The following ST3GAL6 variants were observed in gnomAD, a reference collection of about 807,000 sequenced individuals.
The protein encoded by ST3GAL6 is type 2 lactosamine alpha-2,3-sialyltransferase.
In ST3GAL6, 31 loss-of-function variants were observed where a neutral mutation model predicts 40.5. That is an observed-to-expected ratio of 0.77 (90% CI 0.58 to 1.03). The LOEUF (loss-of-function observed/expected upper bound fraction) is 1.03. Ranked by LOEUF, ST3GAL6 falls within the 50% of genes least tolerant of loss-of-function variation. The pLI, the probability that ST3GAL6 is intolerant of heterozygous loss-of-function variation, is 0.00. For missense variants in ST3GAL6, 357 were observed against 393.2 expected (o/e 0.91, Z 0.78); for synonymous variants, 129 against 136.9 (o/e 0.94, Z 0.40).
chr3:98,737,347 G>A (rs1424952499), intron 1 of ST3GAL6, among the ~76,000 whole-genome samples: 4 of 152,032 alleles, frequency 2.6e-5, no homozygotes, highest in African/African-American at 7.2e-5. Flanking sequence ...CACCACACGC[G>A]GCCCCTTCCT....
intron 2 of ST3GAL6, among the ~76,000 whole-genome samples, chr3:98,770,199 T>C (rs952384086): frequency 6.6e-6 from 1 of 152,246 alleles, no homozygotes; most frequent in Non-Finnish European, 1.5e-5. Context: ...TGTATTAAGC[T>C]GTTTTCCTCT....
In ST3GAL6 at chr3:98,768,518, G is replaced by A. The variant is rs148994000; in HGVS notation, c.78G>A (p.Thr26=). 46 of 1,608,830 alleles carry A rather than the reference G, an allele frequency of 2.9e-5. No homozygotes were observed. Among genetic ancestry groups the A allele is most frequent in the Admixed American group, 5.0e-5 (3 of 59,848 alleles). The change falls in exon 2 of 10, where the codon ACG becomes ACA. Residue 26 remains threonine (T), a synonymous_variant. Coordinates refer to ENST00000483910, the MANE Select transcript of ST3GAL6 (RefSeq NM_001323368.2). ...TACTGCATTGCATATTATGGGGAAC[G>A]AATGTCTATTGGTAAGTTTCATTTT... ...YYVLHCILWG[T]NVYWVAPVEM...
At chr3:98,790,819 A>G (rs1356974919) in intron 8 of ST3GAL6, among the ~76,000 whole-genome samples, 2 of 152,124 alleles carry the variant, frequency 1.3e-5, no homozygotes, top group African/African-American at 4.8e-5. Context: ...GAAGAAAGGA[A>G]GTAGAAGACA....
intron 1 of ST3GAL6, among the ~76,000 whole-genome samples, chr3:98,735,025 A>G (rs948930787): frequency 1.3e-5 from 2 of 152,156 alleles, no homozygotes; most frequent in Admixed American, 6.5e-5. Context: ...TCTGTTTAGT[A>G]TGCATTTTAG....
At chr3:98,774,646 G>A (rs1248576921) in intron 5 of ST3GAL6, among the ~76,000 whole-genome samples, 1 of 152,194 alleles carries the variant, frequency 6.6e-6, no homozygotes, top group Non-Finnish European at 1.5e-5. Flanking sequence ...GTGATAATAT[G>A]GGTAGTCTAC....
upstream of ST3GAL6, among the ~76,000 whole-genome samples, chr3:98,758,562 A>G (rs1176596488): frequency 6.6e-6 from 1 of 152,252 alleles, no homozygotes; most frequent in African/African-American, 2.4e-5. Flanking sequence ...CAGTGAATTA[A>G]TACTATTTTG....
intron 1 of ST3GAL6, among the ~76,000 whole-genome samples, chr3:98,764,469 C>T (rs1384949352): frequency 6.6e-6 from 1 of 152,140 alleles, no homozygotes; most frequent in Admixed American, 6.5e-5. Flanking sequence ...ATAAGCTTTA[C>T]CTCCATTTCA....
At position 98,795,571 on chromosome 3, in the gene ST3GAL6, T is replaced by C. The variant is rs1941539155; in HGVS notation, c.*1810T>C. On this transcript the variant is annotated 3_prime_UTR_variant, in exon 10 of 10. Transcript: ENST00000483910. Reference sequence around the variant, plus strand: ...TGCAGTGTGGCTGCTGAAGTTCAATTGATATAAAGTAAATCAGGCTTCAAA... The same window carrying C: ...TGCAGTGTGGCTGCTGAAGTTCAATCGATATAAAGTAAATCAGGCTTCAAA... 6.6e-6 allele frequency: 1 copy of C among 152,148 alleles called. No homozygotes were observed. The highest frequency in any genetic ancestry group is 1.5e-5 in the Non-Finnish European group (1 of 68,040). The allele number at this position is 152,148 out of a possible 1,614,324, so 9.4% of individuals were successfully genotyped here. A position where few individuals can be genotyped will look rare whatever the true frequency, so the allele number is the denominator to read the frequency against.
Position 98,770,954 on chromosome 3 carries a change from G to T in ST3GAL6, c.165G>T (p.Leu55=). Residue 55 remains leucine (L), a splice_region_variant and synonymous_variant, in exon 3 of 10, where the codon CTG becomes CTT. Coordinates refer to ENST00000483910, the MANE Select transcript of ST3GAL6 (RefSeq NM_001323368.2). Reference sequence around the variant, plus strand: ...CAAAGCCAGCTTTTGCCTCTCTGCTGAGGTAAAAATATACCAGAAAAACCT... The same window carrying T: ...CAAAGCCAGCTTTTGCCTCTCTGCTTAGGTAAAAATATACCAGAAAAACCT... ...CLSKPAFASL[L]RFHQFHPFLC... 1 of 1,613,974 alleles carries T rather than the reference G, an allele frequency of 6.2e-7. No individual in the cohort carries two copies. Among genetic ancestry groups the T allele is most frequent in the Non-Finnish European group, 8.5e-7 (1 of 1,179,894 alleles).
intron 2 of ST3GAL6, among the ~76,000 whole-genome samples, chr3:98,770,655 C>T (rs1938876464): frequency 6.6e-6 from 1 of 152,204 alleles, no homozygotes; most frequent in Admixed American, 6.5e-5. Context: ...CTGGGTTGCT[C>T]ATCACCTCAG....
At chr3:98,736,419 G>T (rs1385962194) in intron 1 of ST3GAL6, among the ~76,000 whole-genome samples, 2 of 152,158 alleles carry the variant, frequency 1.3e-5, no homozygotes, top group Non-Finnish European at 2.9e-5. Flanking sequence ...TTTAGGACAT[G>T]ATGAGAACAA....
chr3:98,787,388 TC>T (rs1307775042), intron 6 of ST3GAL6, among the ~76,000 whole-genome samples: 1 of 152,194 alleles, frequency 6.6e-6, no homozygotes, highest in East Asian at 1.9e-4. Context: ...ACAAAGCATT[TC>T]TTTTTTTATA....
At chr3:98,762,999 TAC>T, upstream of ST3GAL6, 1 of 985,398 alleles carries the variant, frequency 1.0e-6, no homozygotes, top group Non-Finnish European at 1.2e-6. Context: ...GCATTTGGAC[TAC>T]CTAATTAGTA....
chr3:98,737,197 C>A (rs1421909018), intron 1 of ST3GAL6, among the ~76,000 whole-genome samples: 2 of 152,062 alleles, frequency 1.3e-5, no homozygotes, highest in African/African-American at 4.8e-5. Context: ...TACAGGCATG[C>A]ACCACCACAC....
At chr3:98,741,050 CAGTGTGTGTGTG>C (rs1234614595) in intron 1 of ST3GAL6, among the ~76,000 whole-genome samples, 6 of 78,840 alleles carry the variant, frequency 7.6e-5, no homozygotes, top group Non-Finnish European at 5.1e-5. Flanking sequence ...TAGAGGGATT[CAGTGTGTGTGTG>C]TGTGTGTGTG....
At chr3:98,743,932 T>C (rs1201223777) in intron 1 of ST3GAL6, among the ~76,000 whole-genome samples, 1 of 130,896 alleles carries the variant, frequency 7.6e-6, no homozygotes, top group Non-Finnish European at 1.6e-5. Flanking sequence ...TATTTAGAAG[T>C]CCTAATCCCC....
intron 3 of ST3GAL6, chr3:98,771,281 T>C: frequency 1.6e-6 from 1 of 632,962 alleles, no homozygotes; most frequent in South Asian, 1.9e-5. Flanking sequence ...TCTCATGTTA[T>C]TTTCCACCCT....
chr3:98,775,793 C>G (rs938605388), intron 5 of ST3GAL6, among the ~76,000 whole-genome samples: 2 of 152,150 alleles, frequency 1.3e-5, no homozygotes, highest in African/African-American at 4.8e-5. Flanking sequence ...CACCATCATG[C>G]TAAGTTCATT....
At chr3:98,753,922 T>C (rs1333109708) in intron 1 of ST3GAL6, among the ~76,000 whole-genome samples, 1 of 152,220 alleles carries the variant, frequency 6.6e-6, no homozygotes, top group African/African-American at 2.4e-5. Flanking sequence ...TTTCAAAATA[T>C]TATTGCTCTA....
Sources: allele counts gnomAD v4.1 joint callset (sites outside exome capture counted in the v4.1 genomes callset), GRCh38; gene constraint gnomAD v4.1.1; transcripts MANE v1.5; gene names NCBI Gene and HGNC (gene_info 2026-07-23, HGNC 2026-07-21).